AGAP3: variants seen among roughly 807,000 people sequenced by gnomAD.
The protein encoded by AGAP3 is ArfGAP with GTPase domain, ankyrin repeat and PH domain 3.
AGAP3 carries 24 observed loss-of-function variants against 96.9 expected under a neutral mutation model. The observed-to-expected ratio is 0.25, with a 90% CI of 0.18 to 0.35. AGAP3 has a LOEUF of 0.35. Among genes scored for constraint, AGAP3 ranks in the 10% least tolerant of loss-of-function variants. AGAP3 has a pLI of 1.00. For missense variants in AGAP3, 876 were observed against 1,254.2 expected (o/e 0.70, Z 4.55); for synonymous variants, 563 against 536.1 (o/e 1.05, Z -0.69).
chr7:151,116,540 G>A, intron 1 of AGAP3: 1 of 549,580 alleles, frequency 1.8e-6, no homozygotes, highest in Non-Finnish European at 3.2e-6. Context: ...AAGGACACAG[G>A]GCCGAAACCA....
In AGAP3 at chr7:151,128,668, A is replaced by G. The variant is rs772351813; in HGVS notation, c.1310A>G (p.Tyr437Cys). 4 of 1,613,560 alleles carry G rather than the reference A, an allele frequency of 2.5e-6. No homozygotes were observed. Among genetic ancestry groups the G allele is most frequent in the Non-Finnish European group, 3.4e-6 (4 of 1,179,876 alleles). Reference protein sequence around the residue: ...VTLCDNGLLTYHPSLHDYMQN... With the variant: ...VTLCDNGLLTCHPSLHDYMQN... ...CTCTGTGACAACGGGCTGCTCACCT[A>G]TCACCCCAGCCTGCATGTGAGTCTG... is the stretch of plus-strand genomic sequence containing the variant. Residue 437 changes from tyrosine to cysteine, a missense_variant, in exon 10 of 18, where the codon TAT becomes TGT. This residue lies in a region of AGAP3 where 63 missense variants were observed against 114.5 expected (regional missense o/e 0.55). Transcript: ENST00000397238.
rs780819924 is a variant in AGAP3 at position 151,118,590 on chromosome 7, G to A, written c.927G>A (p.Ser309=). The A allele has an allele frequency of 8.1e-6, 13 of 1,613,858 alleles. No individual in the cohort carries two copies. The highest frequency in any genetic ancestry group is 5.0e-5 in the Admixed American group (3 of 60,004). The part of the protein sequence containing the change: ...CKSLPNSPSH[S]AVSAASIPAV... The stretch of plus-strand genomic sequence containing the variant: ...CACTGCCCAACTCGCCCAGCCACTC[G>A]GCCGTGTCCGCCGCCTCCATCCCGG... Residue 309 remains serine (S), a synonymous_variant, in exon 7 of 18, where the codon TCG becomes TCA. Transcript: ENST00000397238. This position sits in a 1 kb window ranked among gnomAD's most constrained non-coding sequence, Gnocchi z 6.1.
chr7:151,117,835 T>C (rs1414198864), intron 5 of AGAP3, 58 bp downstream of exon 5: 2 of 1,554,994 alleles, frequency 1.3e-6, no homozygotes, highest in Admixed American at 1.9e-5. Context: ...CAACGATGCA[T>C]GGGGGCAGGG....
chr7:151,112,813 G>C (rs1236540725), intron 1 of AGAP3, among the ~76,000 whole-genome samples: 1 of 152,154 alleles, frequency 6.6e-6, no homozygotes, highest in East Asian at 1.9e-4. Flanking sequence ...TGTTGCCCAG[G>C]CTGGTCTCCA....
rs780255972 is a variant in AGAP3 at position 151,138,153 on chromosome 7, C to T, written c.1506C>T (p.His502=). ...TQLGGGTGAP[H]SASSASLHSE... is the part of the protein sequence containing the mutation. ...CCTTCCCGCCCCCAGGTGCCCCCCA[C>T]TCGGCCAGCAGCGCATCCCTGCACT... Residue 502 remains histidine (H), a synonymous_variant, in exon 12 of 18, where the codon CAC becomes CAT. Transcript: ENST00000397238. 1.8e-5 allele frequency: 29 copies of T among 1,599,674 alleles called. No homozygotes were observed. Among genetic ancestry groups the T allele is most frequent in the Non-Finnish European group, 2.4e-5 (28 of 1,173,632 alleles).
intron 1 of AGAP3, among the ~76,000 whole-genome samples, chr7:151,094,011 TTTGAG>T (rs1798500832): frequency 2.6e-5 from 4 of 152,166 alleles, no homozygotes; most frequent in African/African-American, 9.7e-5. Flanking sequence ...CATGCAGCAC[TTTGAG>T]ATGCGCCCCC....
chr7:151,111,155 G>C (rs1799265980), intron 1 of AGAP3, among the ~76,000 whole-genome samples: 1 of 152,200 alleles, frequency 6.6e-6, no homozygotes, highest in Admixed American at 6.5e-5. Flanking sequence ...TCAGTGGCGG[G>C]TGTGTGGCCA....
chr7:151,143,266 C>T lies in AGAP3; in HGVS notation c.2274-75C>T, dbSNP rs1203922969. ...TTCCCCCGGGTGCTCGCTTCCTTTCCTGCCCACCTTCCTGGCCCCACCCGT... is the reference window on the plus strand; with the variant it reads ...TTCCCCCGGGTGCTCGCTTCCTTTCTTGCCCACCTTCCTGGCCCCACCCGT... On this transcript the variant is annotated intron_variant, in intron 16 of 17. Transcript: ENST00000397238. This position sits in a 1 kb window ranked among gnomAD's most constrained non-coding sequence, Gnocchi z 5.9. 1 of 1,523,216 alleles carries T rather than the reference C, an allele frequency of 6.6e-7. No individual in the cohort carries two copies. Among genetic ancestry groups the T allele is most frequent in the Non-Finnish European group, 8.8e-7 (1 of 1,133,878 alleles). 94.4% of individuals were successfully genotyped at this position (1,523,216 alleles called of 1,614,324 possible). A position where few individuals can be genotyped will look rare whatever the true frequency, so the allele number is the denominator to read the frequency against.
At position 151,108,693 on chromosome 7, in the gene AGAP3, A is replaced by AG. The variant is rs1799159361; in HGVS notation, c.332-8099dup. Among the ~76,000 whole-genome samples the AG allele has an allele frequency of 1.3e-5, 2 of 152,228 alleles. No homozygotes were observed. Among genetic ancestry groups the AG allele is most frequent in the African/African-American group, 4.8e-5 (2 of 41,454 alleles). The stretch of plus-strand genomic sequence containing the variant: ...CTGCTTGCCCTGAATGCACTTAGTA[A>AG]GCACTCAAAAAATAATGTGAAATGA... On this transcript the variant is annotated intron_variant, in intron 1 of 17. Transcript: ENST00000397238. The surrounding 1 kb of genome is among the most constrained non-coding windows in gnomAD (Gnocchi z 4.2).
rs1219078662 is a variant in AGAP3, at chr7:151,114,322, C to T, written c.332-2471C>T. Among the ~76,000 whole-genome samples the T allele has an allele frequency of 1.3e-5, 2 of 152,246 alleles. No individual in the cohort carries two copies. Among genetic ancestry groups the T allele is most frequent in the Non-Finnish European group, 2.9e-5 (2 of 68,038 alleles). ...ACTTCTGGGCCTCATGTTCTTGGCT[C>T]TTCTGGCTCTTCCTTTGAAGAATGA... is the stretch of plus-strand genomic sequence containing the variant. On this transcript the variant is annotated intron_variant, in intron 1 of 17. Coordinates refer to ENST00000397238, the MANE Select transcript of AGAP3 (RefSeq NM_031946.7). This position sits in a 1 kb window ranked among gnomAD's most constrained non-coding sequence, Gnocchi z 4.4.
Position 151,133,003 on chromosome 7 carries a change from A to T in AGAP3, c.1327-1397A>T, listed in dbSNP as rs1793792471. 1.3e-5 allele frequency among the ~76,000 whole-genome samples: 2 copies of T among 152,158 alleles called. No homozygotes were observed. The highest frequency in any genetic ancestry group is 2.9e-5 in the Non-Finnish European group (2 of 68,024). The stretch of plus-strand genomic sequence containing the variant: ...AAGCAGTCTGATGGCCAGTGCGGTA[A>T]AGGTGAAGGCCGGGCTCCTCAGGGT... On this transcript the variant is annotated intron_variant, in intron 10 of 17. Transcript: ENST00000397238. The surrounding 1 kb of genome is among the most constrained non-coding windows in gnomAD (Gnocchi z 5.4).
intron 1 of AGAP3, among the ~76,000 whole-genome samples, chr7:151,094,369 G>T (rs970245227): frequency 6.6e-6 from 1 of 151,834 alleles, no homozygotes; most frequent in Admixed American, 6.6e-5. Flanking sequence ...GGACGTTTGC[G>T]GCACTCTGGC....
At position 151,119,976 on chromosome 7, in the gene AGAP3, T is replaced by C; in HGVS notation, c.970-11T>C. 1 of 1,613,294 alleles carries C rather than the reference T, an allele frequency of 6.2e-7. No individual in the cohort carries two copies. The highest frequency in any genetic ancestry group is 1.3e-5 in the African/African-American group (1 of 75,050). ...CCCGGAGCTGCCCTCAGCAGCCCTC[T>C]TTGTCCTTAGGCCACGAATGGCGGC... On this transcript the variant is annotated splice_polypyrimidine_tract_variant and intron_variant, in intron 7 of 17. Transcript: ENST00000397238.
In AGAP3 at chr7:151,118,721, C is replaced by A; in HGVS notation, c.969+89C>A. The stretch of plus-strand genomic sequence containing the variant: ...CTGCCACTTCTGCTGGCCTCCTGCT[C>A]ACACCTGTCCACCTTCCTCTGGCCT... On this transcript the variant is annotated intron_variant, in intron 7 of 17. Coordinates refer to ENST00000397238, the MANE Select transcript of AGAP3 (RefSeq NM_031946.7). The surrounding 1 kb of genome is among the most constrained non-coding windows in gnomAD (Gnocchi z 6.1). 1.3e-6 allele frequency: 2 copies of A among 1,495,522 alleles called. No homozygotes were observed. Among genetic ancestry groups the A allele is most frequent in the South Asian group, 1.2e-5 (1 of 84,108 alleles). The allele number at this position is 1,495,522 out of a possible 1,614,324, so 92.6% of individuals were successfully genotyped here. A position where few individuals can be genotyped will look rare whatever the true frequency, so the allele number is the denominator to read the frequency against.
chr7:151,086,359 AG>A (rs1798141446), upstream of AGAP3, among the ~76,000 whole-genome samples: 1 of 18,406 alleles, frequency 5.4e-5, no homozygotes, highest in Non-Finnish European at 1.0e-4. Context: ...GGCGCGCAGG[AG>A]GGGCGGGGGC....
At chr7:151,112,396 CGTGTGTGTGTGTGTGTGT>C (rs71819427) in intron 1 of AGAP3, among the ~76,000 whole-genome samples, 26 of 139,846 alleles carry the variant, frequency 1.9e-4, no homozygotes, top group Non-Finnish European at 2.5e-4. Context: ...TTCCCCGAGA[CGTGTGTGTGTGTGTGTGT>C]GTGTGTGTGT....
rs34739503 is a variant in AGAP3 at position 151,089,064 on chromosome 7, G to C, written c.331+1992G>C. 5.8e-3 allele frequency among the ~76,000 whole-genome samples: 884 copies of C among 151,766 alleles called. 10 individuals are homozygous for C. The highest frequency in any genetic ancestry group is 0.02 in the African/African-American group (832 of 41,326). ...GGCCCTGCTGCCCTGCTGCCCTGCTGTCCCTCCCTCCCCCCTGCCCAGCCT... is the reference window on the plus strand; with the variant it reads ...GGCCCTGCTGCCCTGCTGCCCTGCTCTCCCTCCCTCCCCCCTGCCCAGCCT... On this transcript the variant is annotated intron_variant, in intron 1 of 17. Transcript: ENST00000397238.
chr7:151,122,565 CCTT>C (rs1483282024), intron 8 of AGAP3, among the ~76,000 whole-genome samples: 13 of 151,648 alleles, frequency 8.6e-5, no homozygotes, highest in African/African-American at 2.7e-4. Context: ...TCCTCCTTGT[CCTT>C]CTCCTCTTCC....
At chr7:151,116,056 T>C (rs935405076) in intron 1 of AGAP3, among the ~76,000 whole-genome samples, 2 of 152,066 alleles carry the variant, frequency 1.3e-5, no homozygotes, top group Non-Finnish European at 2.9e-5. Context: ...GCTGCCCAGC[T>C]AGAGAGGGGT....
Sources: gnomAD v4.1 joint callset for allele counts (sites outside exome capture counted in the v4.1 genomes callset) on GRCh38, gnomAD v4.1.1 for gene constraint, gnomAD v4.1.1 regional missense constraint, Gnocchi (gnomAD v3.1) non-coding constraint, MANE v1.5 for transcripts, NCBI Gene and HGNC (gene_info 2026-07-23, HGNC 2026-07-21) for gene names.